The following FHOD3 variants were observed in gnomAD, a reference collection of about 807,000 sequenced individuals.
The protein encoded by FHOD3 is formin homology 2 domain containing 3.
Under a neutral mutation model 173.0 loss-of-function variants are expected in FHOD3, and 90 were observed. The observed-to-expected ratio is 0.52, with a 90% CI of 0.44 to 0.62. The LOEUF (loss-of-function observed/expected upper bound fraction) is 0.62. Ranked by LOEUF, FHOD3 falls within the 20% of genes least tolerant of loss-of-function variation. The pLI is 0.00. For missense variants in FHOD3, 1,945 were observed against 2,034.7 expected, an observed-to-expected ratio of 0.96 and a Z score of 0.85; for synonymous variants, 828 against 823.0, an observed-to-expected ratio of 1.01 and a Z score of -0.10.
rs1273097136 is a variant in FHOD3 at position 36,625,526 on chromosome 18, G to A, written c.973G>A (p.Glu325Lys). Reference sequence around the variant, plus strand: ...GCTTTTCCAGGTGGCGCTCAGGCACGAGGATGGCGATGAGACCACGGAGCC... The same window carrying A: ...GCTTTTCCAGGTGGCGCTCAGGCACAAGGATGGCGATGAGACCACGGAGCC... Reference protein sequence around the residue: ...LNIYEVALRHEDGDETTEPPP... With the variant: ...LNIYEVALRHKDGDETTEPPP... The change falls in exon 10 of 29, where the codon GAG becomes AAG. Residue 325 changes from glutamate (E) to lysine (K), a missense_variant. Transcript: ENST00000590592. 6.9e-6 allele frequency: 10 copies of A among 1,440,434 alleles called. No individual in the cohort carries two copies. The highest frequency in any genetic ancestry group is 5.2e-5 in the East Asian group (2 of 38,536). 89.2% of individuals were successfully genotyped at this position (1,440,434 alleles called of 1,614,324 possible).
rs146500120 is a variant in FHOD3 at position 36,722,227 on chromosome 18, G to A, written c.3417+3512G>A. Among the ~76,000 whole-genome samples the A allele has an allele frequency of 6.0e-4, 91 of 152,306 alleles. No homozygotes were observed. In the Middle Eastern group the frequency reaches 0.014, roughly 23 times the overall value. On this transcript the variant is annotated intron_variant, in intron 19 of 28. Transcript: ENST00000590592. ...TGTGGTGAGCCCCATAGGAGACAAAGTGACCCTAAGAAAGATGTCAGGGCA... is the reference window on the plus strand; with the variant it reads ...TGTGGTGAGCCCCATAGGAGACAAAATGACCCTAAGAAAGATGTCAGGGCA...
Position 36,594,840 on chromosome 18 carries a change from C to T in FHOD3, c.660C>T (p.Tyr220=). 2 of 1,613,970 alleles carry T rather than the reference C, an allele frequency of 1.2e-6. No homozygotes were observed. Among genetic ancestry groups the T allele is most frequent in the Admixed American group, 1.7e-5 (1 of 60,004 alleles). ...AGCTGCTGCTCGTCTTTGTAGAGTA[C>T]TCGGAGTCCAACGCACCTCTCCTAA... ...ALKLLLVFVE[Y]SESNAPLLIQ... is the part of the protein sequence containing the mutation. The change falls in exon 7 of 29, where the codon TAC becomes TAT. Residue 220 remains tyrosine, a synonymous_variant. Transcript: ENST00000590592.
intron 1 of FHOD3, among the ~76,000 whole-genome samples, chr18:36,342,833 C>A (rs2625058): frequency 0.97 from 147,398 of 152,252 alleles, 71,458 homozygotes; most frequent in East Asian, 1. Context: ...CAACAAAGAC[C>A]AATAGCACAA....
chr18:36,650,999 G>C (rs1038006690), intron 11 of FHOD3, among the ~76,000 whole-genome samples: 1 of 152,204 alleles, frequency 6.6e-6, no homozygotes, highest in African/African-American at 2.4e-5. Flanking sequence ...GATCTTGGTA[G>C]TACCTAGGTA....
chr18:36,513,298 T>C (rs75304477), intron 5 of FHOD3, among the ~76,000 whole-genome samples: 2,199 of 152,278 alleles, frequency 0.014, 24 homozygotes, highest in Middle Eastern at 0.044. Context: ...AAATTTTATA[T>C]CGTCCAATAT....
intron 5 of FHOD3, among the ~76,000 whole-genome samples, chr18:36,560,827 T>G (rs1255477003): frequency 7.8e-5 from 1 of 12,886 alleles, no homozygotes; most frequent in African/African-American, 2.3e-4. Flanking sequence ...AGAGCAGCTG[T>G]TTTTTTTTTT....
At chr18:36,509,918 CTGTT>C (rs775535133) in intron 4 of FHOD3, among the ~76,000 whole-genome samples, 42 of 152,326 alleles carry the variant, frequency 2.8e-4, no homozygotes, top group Non-Finnish European at 5.3e-4. Flanking sequence ...AGTTTATAGT[CTGTT>C]TGGAAGACCA....
chr18:36,456,658 CG>C (rs1213940535), intron 3 of FHOD3, among the ~76,000 whole-genome samples: 1 of 152,014 alleles, frequency 6.6e-6, no homozygotes, highest in Non-Finnish European at 1.5e-5. Context: ...GTGTCCCCCA[CG>C]GGCAACAGTG....
chr18:36,643,811 G>T (rs932344492), intron 10 of FHOD3, among the ~76,000 whole-genome samples: 2 of 152,140 alleles, frequency 1.3e-5, no homozygotes, highest in Admixed American at 6.5e-5. Context: ...CTTGATTTGA[G>T]TTTGTCTGTT....
intron 5 of FHOD3, chr18:36,544,611 C>T (rs1329636856): frequency 1.3e-5 from 2 of 152,346 alleles, no homozygotes; most frequent in African/African-American, 4.8e-5. Context: ...GAGGTCGCCA[C>T]AGGCTGAAAG....
At chr18:36,456,315 A>G (rs1198560742) in intron 3 of FHOD3, among the ~76,000 whole-genome samples, 8 of 152,062 alleles carry the variant, frequency 5.3e-5, no homozygotes, top group Admixed American at 5.2e-4. Flanking sequence ...AACAAATGCA[A>G]AAGATTGCCT....
At chr18:36,722,629 A>G (rs533347355) in intron 19 of FHOD3, among the ~76,000 whole-genome samples, 17 of 152,300 alleles carry the variant, frequency 1.1e-4, no homozygotes, top group African/African-American at 3.8e-4. Flanking sequence ...CTTAGAGATA[A>G]GGTGTCACTC....
At chr18:36,527,559 A>T (rs531748588) in intron 5 of FHOD3, among the ~76,000 whole-genome samples, 2 of 152,256 alleles carry the variant, frequency 1.3e-5, no homozygotes, top group Admixed American at 6.5e-5. Flanking sequence ...GGGTGACAGC[A>T]GGTGTGGTGG....
At chr18:36,642,140 G>A (rs2035356258) in intron 10 of FHOD3, among the ~76,000 whole-genome samples, 1 of 151,912 alleles carries the variant, frequency 6.6e-6, no homozygotes, top group Non-Finnish European at 1.5e-5. Flanking sequence ...CCTACCTGAG[G>A]GCAAAGGATG....
chr18:36,364,995 G>C (rs762565509), intron 2 of FHOD3, among the ~76,000 whole-genome samples: 1 of 152,184 alleles, frequency 6.6e-6, no homozygotes, highest in Non-Finnish European at 1.5e-5. Context: ...TCTGTGAACA[G>C]CTTGAACAAG....
At chr18:36,321,798 G>C (rs950269365) in intron 1 of FHOD3, among the ~76,000 whole-genome samples, 12 of 152,188 alleles carry the variant, frequency 7.9e-5, no homozygotes, top group Non-Finnish European at 1.6e-4. Context: ...TGCAGGGGGG[G>C]CACTTCCCAT....
At chr18:36,755,746 C>A (rs2042606301) in intron 25 of FHOD3, among the ~76,000 whole-genome samples, 1 of 152,116 alleles carries the variant, frequency 6.6e-6, no homozygotes, top group African/African-American at 2.4e-5. Context: ...TGCTGTGTAA[C>A]CAATCAGTTG....
intron 14 of FHOD3, among the ~76,000 whole-genome samples, chr18:36,663,510 A>G (rs1477255953): frequency 2.0e-5 from 3 of 152,188 alleles, no homozygotes; most frequent in South Asian, 2.1e-4. Context: ...CTATTATTGC[A>G]TCATCTGCTT....
At chr18:36,392,423 A>G (rs548947772) in intron 3 of FHOD3, among the ~76,000 whole-genome samples, 63 of 152,282 alleles carry the variant, frequency 4.1e-4, no homozygotes, top group Middle Eastern at 3.4e-3. Context: ...AACCCTCTCA[A>G]GTTTCCCTGA....
Sources: gnomAD v4.1 joint callset for allele counts (sites outside exome capture counted in the v4.1 genomes callset) on GRCh38, gnomAD v4.1.1 for gene constraint, MANE v1.5 for transcripts, NCBI Gene and HGNC (gene_info 2026-07-23, HGNC 2026-07-21) for gene names.